The following CDH24 variants were observed in gnomAD, a reference collection of about 807,000 sequenced individuals.
The protein encoded by CDH24 is cadherin-24.
In CDH24, 61 loss-of-function variants were observed where a neutral mutation model predicts 71.2. The ratio of observed to expected loss-of-function variants is 0.86; its 90% confidence interval spans 0.70 to 1.06. The LOEUF (loss-of-function observed/expected upper bound fraction) is 1.06. Among genes scored for constraint, CDH24 ranks in the 50% least tolerant of loss-of-function variants. The pLI is 0.00. For synonymous variants in CDH24, 440 were observed against 470.2 expected, an observed-to-expected ratio of 0.94 and a Z score of 0.83; for missense variants, 961 against 1,083.7, an observed-to-expected ratio of 0.89 and a Z score of 1.59.
Position 23,055,860 on chromosome 14 carries a change from G to T in CDH24, c.-124-3C>A. The T allele has an allele frequency of 2.7e-6, 2 of 741,884 alleles. No individual in the cohort carries two copies. The highest frequency in any genetic ancestry group is 1.8e-5 in the African/African-American group (1 of 56,448). The allele number at this position is 741,884 out of a possible 1,614,324, so 46.0% of individuals were successfully genotyped here. On this transcript the variant is annotated splice_polypyrimidine_tract_variant and splice_region_variant and intron_variant, in intron 1 of 12. Transcript: ENST00000487137. This position sits in a 1 kb window ranked among gnomAD's most constrained non-coding sequence, Gnocchi z 4.1. ...GAGGCTACCCCATGGATCCACACCT[G>T]CAGGACAAGCAGCTGCTCAGGCTCA...
intron 7 of CDH24, 112 bp from the exon 8 acceptor site, chr14:23,052,721 G>A: frequency 9.1e-7 from 1 of 1,096,768 alleles, no homozygotes; most frequent in Admixed American, 2.0e-5. Context: ...TGACTCCTCT[G>A]GGTAGAGCCA....
In CDH24 at chr14:23,054,329, C is replaced by T; in HGVS notation, c.785-1G>A. On this transcript the variant is annotated splice_acceptor_variant, in intron 5 of 12. Coordinates refer to ENST00000487137, the MANE Select transcript of CDH24 (RefSeq NM_144985.4). LOFTEE classifies it high-confidence loss of function. This position sits in a 1 kb window ranked among gnomAD's most constrained non-coding sequence, Gnocchi z 5.2. ...TCCACCACGGAGAACTGGTATAGGC[C>T]TTGGGATGACAGAGGGGAGACACCT... The T allele has an allele frequency of 6.3e-7, 1 of 1,581,294 alleles. No homozygotes were observed. Among genetic ancestry groups the T allele is most frequent in the Non-Finnish European group, 8.6e-7 (1 of 1,160,256 alleles).
chr14:23,054,496 G>A lies in CDH24; in HGVS notation c.784+10C>T. 6.2e-7 allele frequency: 1 copy of A among 1,609,822 alleles called. No individual in the cohort carries two copies. Among genetic ancestry groups the A allele is most frequent in the Non-Finnish European group, 8.5e-7 (1 of 1,177,386 alleles). On this transcript the variant is annotated intron_variant, in intron 5 of 12. Coordinates refer to ENST00000487137, the MANE Select transcript of CDH24 (RefSeq NM_144985.4). The surrounding 1 kb of genome is among the most constrained non-coding windows in gnomAD (Gnocchi z 5.2). ...AAAGGATGGCTCAGGTGGCAGCAAT[G>A]GCCCCTTACTCTGTGGGAACTTGGG... is the stretch of plus-strand genomic sequence containing the variant.
At chr14:23,056,137 T>G (rs1386493180) in intron 1 of CDH24, among the ~76,000 whole-genome samples, 1 of 152,158 alleles carries the variant, frequency 6.6e-6, no homozygotes, top group East Asian at 1.9e-4. Context: ...ATCCCAAATC[T>G]GGTCTCTGTC....
At chr14:23,048,757 A>G (rs1182106796) in intron 11 of CDH24, among the ~76,000 whole-genome samples, 1 of 152,250 alleles carries the variant, frequency 6.6e-6, no homozygotes, top group Non-Finnish European at 1.5e-5. Context: ...TAATAAAATG[A>G]AATATCACAA....
rs748311894 is a variant in CDH24 at position 23,053,587 on chromosome 14, A to G, written c.1135T>C (p.Tyr379His). Residue 379 changes from tyrosine to histidine, a missense_variant, in exon 7 of 13, where the codon TAC becomes CAC. Coordinates refer to ENST00000487137, the MANE Select transcript of CDH24 (RefSeq NM_144985.4). ...TTGTTCTCAGGCACTGTCAGGTGGT[A>G]GGCAGCCTGGGTGAAGGCAGGTGGC... ...PEPPAFTQAA[Y>H]HLTVPENKAP... 1 of 1,613,180 alleles carries G rather than the reference A, an allele frequency of 6.2e-7. No individual in the cohort carries two copies. The highest frequency in any genetic ancestry group is 2.2e-5 in the East Asian group (1 of 44,862).
At chr14:23,052,109 G>A in intron 8 of CDH24, 1 of 1,296,082 alleles carries the variant, frequency 7.7e-7, no homozygotes, top group Non-Finnish European at 1.1e-6. Flanking sequence ...GGCAGGATGG[G>A]GTCTGTCAGT....
chr14:23,053,529 G>A lies in CDH24; in HGVS notation c.1193C>T (p.Ala398Val), dbSNP rs746379911. ...GCTGGCAGGGGAGTCCAGGTCAGCC[G>A]CGGAGATCTGGCCTACCAGGGTCCC... ...APGTLVGQISAADLDSPASPI... is the reference protein window; with the variant it reads ...APGTLVGQISVADLDSPASPI... Residue 398 changes from alanine (A) to valine (V), a missense_variant, in exon 7 of 13, where the codon GCG (alanine) becomes GTG (valine). Ala to Val is a moderately conservative substitution (Grantham distance 64). Transcript: ENST00000487137. 2.4e-5 allele frequency: 38 copies of A among 1,593,934 alleles called. No individual in the cohort carries two copies. The highest frequency in any genetic ancestry group is 4.5e-5 in the East Asian group (2 of 44,358).
At chr14:23,048,567 G>T in intron 11 of CDH24, 88 bp from the exon 12 acceptor site, 2 of 1,370,974 alleles carry the variant, frequency 1.5e-6, no homozygotes, top group Admixed American at 1.9e-5. Flanking sequence ...CCCATCAGGT[G>T]ACAGAAGCCC....
Position 23,054,451 on chromosome 14 carries a change from A to G in CDH24, c.784+55T>C, listed in dbSNP as rs1180774831. 1.3e-6 allele frequency: 2 copies of G among 1,577,696 alleles called. No individual in the cohort carries two copies. The highest frequency in any genetic ancestry group is 2.2e-5 in the East Asian group (1 of 44,514). ...GCGAGGAGGGAAGGTTTCTCCAGACACTGTAGGGGTGGGGTGATCAAAGGA... is the reference window on the plus strand; with the variant it reads ...GCGAGGAGGGAAGGTTTCTCCAGACGCTGTAGGGGTGGGGTGATCAAAGGA... On this transcript the variant is annotated intron_variant, in intron 5 of 12. Transcript: ENST00000487137. The surrounding 1 kb of genome is among the most constrained non-coding windows in gnomAD (Gnocchi z 5.2).
At position 23,054,365 on chromosome 14, in the gene CDH24, G is replaced by A. The variant is rs1465782381; in HGVS notation, c.785-37C>T. Reference sequence around the variant, plus strand: ...AGAGGGGAGACACCTTCTCAGAGAGGTCCCCAGCCCTCCTCCCTCCCCACA... The same window carrying A: ...AGAGGGGAGACACCTTCTCAGAGAGATCCCCAGCCCTCCTCCCTCCCCACA... On this transcript the variant is annotated intron_variant, in intron 5 of 12. Transcript: ENST00000487137. This position sits in a 1 kb window ranked among gnomAD's most constrained non-coding sequence, Gnocchi z 5.2. 1 of 1,548,182 alleles carries A rather than the reference G, an allele frequency of 6.5e-7. No homozygotes were observed. The highest frequency in any genetic ancestry group is 1.9e-5 in the Admixed American group (1 of 52,042).
chr14:23,055,139 T>G lies in CDH24; in HGVS notation c.416A>C (p.Lys139Thr). Reference protein sequence around the residue: ...PLEPPSEFIIKVQDINDNPPI... With the variant: ...PLEPPSEFIITVQDINDNPPI... ...TGGATTGTCGTTGATGTCTTGCACT[T>G]TGATGATGAACTCTGATGGGGGCTC... The change falls in exon 3 of 13, where the codon AAA becomes ACA. Residue 139 changes from lysine (K) to threonine (T), a missense_variant. Physicochemically the swap from Lys to Thr is moderately conservative, Grantham distance 78. Coordinates refer to ENST00000487137, the MANE Select transcript of CDH24 (RefSeq NM_144985.4). This position sits in a 1 kb window ranked among gnomAD's most constrained non-coding sequence, Gnocchi z 4.1. 2 of 1,614,076 alleles carry G rather than the reference T, an allele frequency of 1.2e-6. No homozygotes were observed. Among genetic ancestry groups the G allele is most frequent in the Non-Finnish European group, 1.7e-6 (2 of 1,179,998 alleles).
rs1161816387 is a variant in CDH24, at chr14:23,054,194, A to C, written c.919T>G (p.Phe307Val). ...SILDGEGSEAFSISTDLQGRD... is the reference protein window; with the variant it reads ...SILDGEGSEAVSISTDLQGRD... Reference sequence around the variant, plus strand: ...CCCTGCAAGTCTGTGCTGATGCTGAAGGCCTCAGACCCCTCCCCATCCAGG... The same window carrying C: ...CCCTGCAAGTCTGTGCTGATGCTGACGGCCTCAGACCCCTCCCCATCCAGG... The change falls in exon 6 of 13, where the codon TTC becomes GTC. Residue 307 changes from phenylalanine to valine, a missense_variant. Coordinates refer to ENST00000487137, the MANE Select transcript of CDH24 (RefSeq NM_144985.4). This position sits in a 1 kb window ranked among gnomAD's most constrained non-coding sequence, Gnocchi z 5.2. The C allele has an allele frequency of 6.2e-7, 1 of 1,613,108 alleles. No individual in the cohort carries two copies. The highest frequency in any genetic ancestry group is 1.7e-5 in the Admixed American group (1 of 59,966).
chr14:23,050,662 A>G (rs1267210901), intron 8 of CDH24, among the ~76,000 whole-genome samples: 2 of 152,198 alleles, frequency 1.3e-5, no homozygotes, highest in African/African-American at 4.8e-5. Flanking sequence ...CACAGGCCCC[A>G]TCTTTACCCA....
chr14:23,056,728 C>T (rs1229943139), intron 1 of CDH24, among the ~76,000 whole-genome samples: 2 of 151,640 alleles, frequency 1.3e-5, no homozygotes, highest in African/African-American at 4.9e-5. Flanking sequence ...AGCCAGGCCT[C>T]GGGAACTTAA....
chr14:23,047,720 G>GAA lies in CDH24; in HGVS notation c.*259_*260insTT. 1 of 325,838 alleles carries GAA rather than the reference G, an allele frequency of 3.1e-6. No individual in the cohort carries two copies. The highest frequency in any genetic ancestry group is 5.6e-6 in the Non-Finnish European group (1 of 179,378). 20.2% of individuals were successfully genotyped at this position (325,838 alleles called of 1,614,324 possible). ...TCACAGTGAGAGATCGCAGGGCCAG[G>GAA]GCCAGGGCAGGAAACCCAGGCCCGG... is the stretch of plus-strand genomic sequence containing the variant. On this transcript the variant is annotated 3_prime_UTR_variant, in exon 12 of 13. Transcript: ENST00000487137.
chr14:23,054,765 A>T lies in CDH24; in HGVS notation c.598T>A (p.Ser200Thr). 1 of 1,614,068 alleles carries T rather than the reference A, an allele frequency of 6.2e-7. No individual in the cohort carries two copies. Among genetic ancestry groups the T allele is most frequent in the South Asian group, 1.1e-5 (1 of 91,080 alleles). Reference protein sequence around the residue: ...YTVLDGLPFFSVDPQTGVVRT... With the variant: ...YTVLDGLPFFTVDPQTGVVRT... The stretch of plus-strand genomic sequence containing the variant: ...TCCTCACCAGTCTGGGGGTCCACAG[A>T]GAAGAAAGGCAGTCCATCCAGAACA... The change falls in exon 4 of 13, where the codon TCT becomes ACT. Residue 200 changes from serine to threonine, a missense_variant. Coordinates refer to ENST00000487137, the MANE Select transcript of CDH24 (RefSeq NM_144985.4). The surrounding 1 kb of genome is among the most constrained non-coding windows in gnomAD (Gnocchi z 5.2).
In CDH24 at chr14:23,053,688, A is replaced by G. The variant is rs1437032799; in HGVS notation, c.1034T>C (p.Ile345Thr). ...CCCTCGCCGCAGATAGGCTGGGTCA[A>G]TGAGCGTGTTGGTGGCCTCGACACG... The part of the protein sequence containing the change: ...SFRVEATNTL[I>T]DPAYLRRGPF... The change falls in exon 7 of 13, where the codon ATT becomes ACT. Residue 345 changes from isoleucine (I) to threonine (T), a missense_variant. By Grantham distance (89) the Ile-to-Thr change is moderately conservative. This residue lies in a region of CDH24 where 671 missense variants were observed against 810.9 expected (regional missense o/e 0.83). Transcript: ENST00000487137. 3 of 1,613,824 alleles carry G rather than the reference A, an allele frequency of 1.9e-6. No homozygotes were observed. The highest frequency in any genetic ancestry group is 2.5e-6 in the Non-Finnish European group (3 of 1,179,878).
intron 6 of CDH24, 121 bp from the exon 7 acceptor site, chr14:23,053,870 G>A: frequency 9.5e-7 from 1 of 1,057,914 alleles, no homozygotes; most frequent in African/African-American, 1.6e-5. Context: ...CATGTGAGGA[G>A]AGGTGGCACT....
Sources: allele counts gnomAD v4.1 joint callset (sites outside exome capture counted in the v4.1 genomes callset), GRCh38; gene constraint gnomAD v4.1.1; regional missense constraint gnomAD v4.1.1; non-coding constraint Gnocchi (gnomAD v3.1); transcripts MANE v1.5; gene names NCBI Gene and HGNC (gene_info 2026-07-23, HGNC 2026-07-21).